CACNA2D2: variants seen among roughly 807,000 people sequenced by gnomAD.
The protein encoded by CACNA2D2 is voltage-dependent calcium channel subunit alpha-2/delta-2.
CACNA2D2 carries 48 observed loss-of-function variants against 166.4 expected under a neutral mutation model. The observed-to-expected ratio is 0.29, with a 90% CI of 0.23 to 0.37. The LOEUF (loss-of-function observed/expected upper bound fraction) is 0.37, where lower values mean the gene tolerates loss of function less well. CACNA2D2 is among the 10% of genes least tolerant of loss of function. The probability of loss-of-function intolerance (pLI) is 1.00; values close to 1 mark genes in which losing one functional copy is unlikely to be tolerated. For missense variants in CACNA2D2, 1,122 were observed against 1,433.0 expected (o/e 0.78, Z 3.50); for synonymous variants, 561 against 573.7 (o/e 0.98, Z 0.32).
At chr3:50,370,157 G>T (rs930376425) in intron 23 of CACNA2D2, among the ~76,000 whole-genome samples, 163 bp downstream of exon 23, 1 of 152,162 alleles carries the variant, frequency 6.6e-6, no homozygotes, top group South Asian at 2.1e-4. Flanking sequence ...GCGGTACATG[G>T]CCTGGGTATG....
chr3:50,485,403 C>T lies in CACNA2D2; in HGVS notation c.207-9204G>A, dbSNP rs115299897. The stretch of plus-strand genomic sequence containing the variant: ...ACTGCTCCAGCAGCAAGATCATTCA[C>T]CTTTTATTTTTCCAACAAAATCCAA... On this transcript the variant is annotated intron_variant, in intron 1 of 37. Transcript: ENST00000424201. 6.7e-3 allele frequency among the ~76,000 whole-genome samples: 1,023 copies of T among 152,342 alleles called. 7 individuals carry two copies. The highest frequency in any genetic ancestry group is 0.023 in the African/African-American group (957 of 41,568).
At chr3:50,466,555 G>T (rs1364767852) in intron 2 of CACNA2D2, among the ~76,000 whole-genome samples, 2 of 152,154 alleles carry the variant, frequency 1.3e-5, no homozygotes, top group East Asian at 3.9e-4. Context: ...TGACGCACAG[G>T]GGTTCACTTA....
intron 3 of CACNA2D2, among the ~76,000 whole-genome samples, chr3:50,408,610 T>C (rs1026084525): frequency 5.9e-5 from 9 of 152,244 alleles, no homozygotes; most frequent in Non-Finnish European, 1.5e-5. Flanking sequence ...AGGCGGCCAG[T>C]GGGACAGCTG....
At chr3:50,387,232 T>C (rs1458284483) in intron 5 of CACNA2D2, among the ~76,000 whole-genome samples, 4 of 152,134 alleles carry the variant, frequency 2.6e-5, no homozygotes, top group African/African-American at 9.7e-5. Flanking sequence ...CCTGCCCACC[T>C]CCAGGAAGCC....
In CACNA2D2 at chr3:50,365,235, A is replaced by G; in HGVS notation, c.3099-51T>C. 4.4e-6 allele frequency: 1 copy of G among 228,876 alleles called. No homozygotes were observed. The highest frequency in any genetic ancestry group is 7.4e-6 in the Non-Finnish European group (1 of 134,656). The allele number at this position is 228,876 out of a possible 1,614,324, so 14.2% of individuals were successfully genotyped here. On this transcript the variant is annotated intron_variant, in intron 35 of 37. Coordinates refer to ENST00000424201, the MANE Select transcript of CACNA2D2 (RefSeq NM_006030.4). This position sits in a 1 kb window ranked among gnomAD's most constrained non-coding sequence, Gnocchi z 4.5. ...CGTTGAGTTTGCCCCGCCCTGACCC[A>G]CCCCCATCCTGCGGCCCCGCCCCCG...
At chr3:50,484,274 C>T (rs780726828) in intron 1 of CACNA2D2, among the ~76,000 whole-genome samples, 17 of 152,160 alleles carry the variant, frequency 1.1e-4, no homozygotes, top group Non-Finnish European at 5.9e-5. Context: ...CCTCCTTGGC[C>T]GGGCACCCAT....
Position 50,374,934 on chromosome 3 carries a change from G to T in CACNA2D2, c.1908-121C>A, listed in dbSNP as rs779760337. 5 of 798,112 alleles carry T rather than the reference G, an allele frequency of 6.3e-6. No homozygotes were observed. In the African/African-American group the frequency reaches 8.5e-5, roughly 14 times the overall value. 49.4% of individuals were successfully genotyped at this position (798,112 alleles called of 1,614,324 possible). On this transcript the variant is annotated intron_variant, in intron 21 of 37. Transcript: ENST00000424201. The stretch of plus-strand genomic sequence containing the variant: ...CAGCATCCCCTCCTCCCACCACCAG[G>T]GACCCCTCTCCCCGCTTAGCTGCAG...
At position 50,365,028 on chromosome 3, in the gene CACNA2D2, G is replaced by A. The variant is rs776539503; in HGVS notation, c.3208+47C>T. On this transcript the variant is annotated intron_variant, in intron 36 of 37. Coordinates refer to ENST00000424201, the MANE Select transcript of CACNA2D2 (RefSeq NM_006030.4). The surrounding 1 kb of genome is among the most constrained non-coding windows in gnomAD (Gnocchi z 4.5). ...GGCGGCGGCGGCACGGAGGGGGCGC[G>A]CGGGGCAGAGGGGGAGCGGGCGGCG... is the stretch of plus-strand genomic sequence containing the variant. 6.2e-7 allele frequency: 1 copy of A among 1,600,464 alleles called. No homozygotes were observed. Among genetic ancestry groups the A allele is most frequent in the Non-Finnish European group, 8.5e-7 (1 of 1,173,740 alleles).
At chr3:50,421,091 C>T (rs913682087) in intron 3 of CACNA2D2, among the ~76,000 whole-genome samples, 2 of 152,312 alleles carry the variant, frequency 1.3e-5, no homozygotes, top group East Asian at 1.9e-4. Context: ...TGAGCTGGGG[C>T]ATGTGTTGAG....
chr3:50,501,386 C>T (rs1698956576), intron 1 of CACNA2D2, among the ~76,000 whole-genome samples: 2 of 145,240 alleles, frequency 1.4e-5, no homozygotes, highest in South Asian at 5.0e-4. Flanking sequence ...GCCCCCACCC[C>T]ACCCCCACCC....
At chr3:50,495,529 C>G (rs536325037) in intron 1 of CACNA2D2, among the ~76,000 whole-genome samples, 2 of 152,342 alleles carry the variant, frequency 1.3e-5, no homozygotes, top group East Asian at 3.9e-4. Flanking sequence ...AAAAATCCAT[C>G]CTTGAAGGAA....
At chr3:50,472,591 A>G (rs1040089878) in intron 2 of CACNA2D2, among the ~76,000 whole-genome samples, 7 of 146,986 alleles carry the variant, frequency 4.8e-5, no homozygotes, top group Non-Finnish European at 7.4e-5. Flanking sequence ...GAGCCAACTG[A>G]TTCTTCATCA....
Position 50,365,576 on chromosome 3 carries a change from G to T in CACNA2D2, c.2971+57C>A. 1 of 1,578,676 alleles carries T rather than the reference G, an allele frequency of 6.3e-7. No homozygotes were observed. Among genetic ancestry groups the T allele is most frequent in the Non-Finnish European group, 8.6e-7 (1 of 1,161,656 alleles). On this transcript the variant is annotated intron_variant, in intron 34 of 37. Transcript: ENST00000424201. This position sits in a 1 kb window ranked among gnomAD's most constrained non-coding sequence, Gnocchi z 4.5. ...TAGACCCCACCCTCCCCATGGAGTCGTCTTAGCTCAGATTGGGGACCCGGA... is the reference window on the plus strand; with the variant it reads ...TAGACCCCACCCTCCCCATGGAGTCTTCTTAGCTCAGATTGGGGACCCGGA...
At chr3:50,478,138 C>T (rs1402925287) in intron 1 of CACNA2D2, among the ~76,000 whole-genome samples, 1 of 152,200 alleles carries the variant, frequency 6.6e-6, no homozygotes, top group Non-Finnish European at 1.5e-5. Flanking sequence ...TCCTCCGCTC[C>T]CCACCACAGG....
At chr3:50,377,265 T>C (rs374244709) in intron 17 of CACNA2D2, among the ~76,000 whole-genome samples, 30 of 152,312 alleles carry the variant, frequency 2.0e-4, no homozygotes, top group African/African-American at 7.2e-4. Context: ...GCCTAAAATA[T>C]TCAGTCTGGC....
intron 4 of CACNA2D2, among the ~76,000 whole-genome samples, chr3:50,390,027 T>TC (rs1489578442): frequency 6.8e-6 from 1 of 147,980 alleles, no homozygotes; most frequent in Non-Finnish European, 1.5e-5. Flanking sequence ...GGTGGGAGGG[T>TC]CCCTGAGAAG....
At chr3:50,447,850 G>C (rs1708921646) in intron 2 of CACNA2D2, among the ~76,000 whole-genome samples, 1 of 152,118 alleles carries the variant, frequency 6.6e-6, no homozygotes, top group Non-Finnish European at 1.5e-5. Flanking sequence ...TCCAACCAAG[G>C]TCACATCCAG....
intron 2 of CACNA2D2, among the ~76,000 whole-genome samples, chr3:50,469,089 A>C (rs1575737812): frequency 6.6e-6 from 1 of 151,980 alleles, no homozygotes; most frequent in Admixed American, 6.5e-5. Flanking sequence ...TCAGGCTCCC[A>C]AAGTGCTGGG....
chr3:50,502,612 A>G (rs554201036), intron 1 of CACNA2D2, among the ~76,000 whole-genome samples: 8 of 152,288 alleles, frequency 5.3e-5, no homozygotes, highest in Admixed American at 5.2e-4. Context: ...TTCACCTCCC[A>G]ACTGGGCTCT....
Sources: gnomAD v4.1 joint callset for allele counts (sites outside exome capture counted in the v4.1 genomes callset) on GRCh38, gnomAD v4.1.1 for gene constraint, Gnocchi (gnomAD v3.1) non-coding constraint, MANE v1.5 for transcripts, NCBI Gene and HGNC (gene_info 2026-07-23, HGNC 2026-07-21) for gene names.